Variants in SHANK2 observed in about 807,000 individuals in gnomAD.
The protein encoded by SHANK2 is SH3 and multiple ankyrin repeat domains 2.
SHANK2 carries 43 observed loss-of-function variants against 133.7 expected under a neutral mutation model. The ratio of observed to expected loss-of-function variants is 0.32; its 90% CI spans 0.25 to 0.41. The LOEUF (loss-of-function observed/expected upper bound fraction) is 0.41, where lower values mean the gene tolerates loss of function less well. Ranked by LOEUF, SHANK2 falls within the 10% of genes least tolerant of loss-of-function variation. SHANK2 has a pLI of 1.00. For synonymous variants in SHANK2, 1,017 were observed against 952.8 expected, an observed-to-expected ratio of 1.07 and a Z score of -1.24; for missense variants, 1,994 against 2,235.8, an observed-to-expected ratio of 0.89 and a Z score of 2.18.
chr11:70,727,761 C>T (rs1946205738), intron 14 of SHANK2, among the ~76,000 whole-genome samples: 1 of 152,142 alleles, frequency 6.6e-6, no homozygotes, highest in African/African-American at 2.4e-5. Context: ...GGTTGGGGGC[C>T]CCAGCCCTAC....
chr11:70,617,468 G>A (rs1051137951), intron 17 of SHANK2, among the ~76,000 whole-genome samples: 1 of 142,752 alleles, frequency 7.0e-6, no homozygotes. Flanking sequence ...GGAACGGAGT[G>A]GGGAGGTGGA....
chr11:70,605,139 C>T (rs2060557784), intron 17 of SHANK2, among the ~76,000 whole-genome samples: 1 of 152,218 alleles, frequency 6.6e-6, no homozygotes, highest in South Asian at 2.1e-4. Flanking sequence ...TGGGATGGCG[C>T]TTTTTAACAG....
intron 11 of SHANK2, among the ~76,000 whole-genome samples, chr11:70,892,192 G>C (rs1290215156): frequency 6.6e-6 from 1 of 152,202 alleles, no homozygotes; most frequent in Non-Finnish European, 1.5e-5. Flanking sequence ...CAGCCGCCAG[G>C]CTCCACCCCA....
At position 71,097,941 on chromosome 11, in the gene SHANK2, C is replaced by G. The variant is rs540220675; in HGVS notation, c.593-3253G>C. 7.5e-5 allele frequency among the ~76,000 whole-genome samples: 11 copies of G among 147,478 alleles called. No individual in the cohort carries two copies. In the South Asian group the frequency reaches 2.2e-3, roughly 29 times the overall value. On this transcript the variant is annotated intron_variant, in intron 6 of 25. Transcript: ENST00000601538. ...ATGTGTGCATGCCTGTTTGTGTGCACGCCTGTGTGTCTGTGCATGCCTGTG... is the reference window on the plus strand; with the variant it reads ...ATGTGTGCATGCCTGTTTGTGTGCAGGCCTGTGTGTCTGTGCATGCCTGTG...
At position 70,737,579 on chromosome 11, in the gene SHANK2, C is replaced by T. The variant is rs551816117; in HGVS notation, c.1778-38816G>A. ...GCATTGAGTCCAAACCCACATGATA[C>T]ACCCCATTTCTCTCCAGGAGACTGT... On this transcript the variant is annotated intron_variant, in intron 14 of 25. Coordinates refer to ENST00000601538, the MANE Select transcript of SHANK2 (RefSeq NM_012309.5). Among the ~76,000 whole-genome samples, 8 of 152,332 alleles carry T rather than the reference C, an allele frequency of 5.3e-5. No homozygotes were observed. In the South Asian group the frequency reaches 1.0e-3, roughly 20 times the overall value.
intron 6 of SHANK2, among the ~76,000 whole-genome samples, chr11:71,104,396 T>C (rs1412315494): frequency 6.6e-6 from 1 of 152,150 alleles, no homozygotes; most frequent in Non-Finnish European, 1.5e-5. Context: ...GCCCAGTGTC[T>C]CCAACAGTGA....
rs1028174784 is a variant in SHANK2, at chr11:70,561,319, A to T, written c.2062-58388T>A. Among the ~76,000 whole-genome samples the T allele has an allele frequency of 4.6e-5, 7 of 151,870 alleles. No homozygotes were observed. In the East Asian group the frequency reaches 5.9e-4, roughly 13 times the overall value. ...CAGGCATGTGCCACCACGCACAGCT[A>T]ATTTTTGTATTTCAGTAGAGACAAG... On this transcript the variant is annotated intron_variant, in intron 17 of 25. Transcript: ENST00000601538.
At position 70,586,822 on chromosome 11, in the gene SHANK2, A is replaced by AC. The variant is rs562066302; in HGVS notation, c.2061+73005dup. ...GAACGGGGAAGGACACCAGTACCTC[A>AC]CCCCCCCAGAGTGGGCAGAGCCTAG... is the stretch of plus-strand genomic sequence containing the variant. On this transcript the variant is annotated intron_variant, in intron 17 of 25. Transcript: ENST00000601538. Among the ~76,000 whole-genome samples, 22 of 152,084 alleles carry AC rather than the reference A, an allele frequency of 1.4e-4. No homozygotes were observed. In the South Asian group the frequency reaches 2.5e-3, roughly 17 times the overall value.
chr11:71,190,391 C>T (rs782015232), intron 2 of SHANK2, among the ~76,000 whole-genome samples: 69 of 152,278 alleles, frequency 4.5e-4, no homozygotes, highest in Admixed American at 1.3e-3. Flanking sequence ...AAGGGGACAG[C>T]GTGAGGCTCC....
chr11:71,246,745 G>A (rs1954966539), intron 1 of SHANK2, among the ~76,000 whole-genome samples: 1 of 152,136 alleles, frequency 6.6e-6, no homozygotes, highest in South Asian at 2.1e-4. Context: ...GGAAGCTGGT[G>A]AGGGGGTGGT....
chr11:71,245,055 A>C (rs1219043408), intron 1 of SHANK2, among the ~76,000 whole-genome samples: 1 of 151,780 alleles, frequency 6.6e-6, no homozygotes, highest in Non-Finnish European at 1.5e-5. Flanking sequence ...ATCACGGCTC[A>C]CTGCAACATC....
At chr11:70,730,826 CTTT>C (rs34081906) in intron 14 of SHANK2, among the ~76,000 whole-genome samples, 11,679 of 127,498 alleles carry the variant, frequency 0.092, 311 homozygotes, top group South Asian at 0.2. Flanking sequence ...TTTTTTATTT[CTTT>C]TTTTTTTTTT....
chr11:70,646,308 C>A (rs2061260286), intron 17 of SHANK2: 1 of 152,258 alleles, frequency 6.6e-6, no homozygotes, highest in African/African-American at 2.4e-5. Flanking sequence ...GGTAAGGAAG[C>A]TTGTGTCCCA....
At chr11:70,675,825 G>A (rs1187878122) in intron 15 of SHANK2, among the ~76,000 whole-genome samples, 1 of 152,144 alleles carries the variant, frequency 6.6e-6, no homozygotes, top group African/African-American at 2.4e-5. Flanking sequence ...GGGTGAGCAA[G>A]GCCAAAGGCA....
At chr11:71,135,858 A>G (rs543393295) in intron 3 of SHANK2, among the ~76,000 whole-genome samples, 19 of 152,228 alleles carry the variant, frequency 1.2e-4, no homozygotes, top group African/African-American at 3.9e-4. Flanking sequence ...CCAAGGCCTC[A>G]CCTAGAGAAC....
At chr11:71,099,712 C>T (rs150947099) in intron 6 of SHANK2, among the ~76,000 whole-genome samples, 40 of 152,242 alleles carry the variant, frequency 2.6e-4, no homozygotes, top group African/African-American at 8.7e-4. Context: ...CCAACACACA[C>T]GAGAAGATGC....
intron 14 of SHANK2, among the ~76,000 whole-genome samples, chr11:70,723,850 C>T (rs1192389462): frequency 1.3e-5 from 2 of 152,080 alleles, no homozygotes; most frequent in African/African-American, 2.4e-5. Flanking sequence ...AGCAGGTGTC[C>T]TCAAATAGTA....
In SHANK2 at chr11:70,807,056, A is replaced by G. The variant is rs370128439; in HGVS notation, c.1609T>C (p.Tyr537His). ...ATCTCGCCGTCCACTTGGGGTTGGT[A>G]TGGCTTGACAGCGACGAAGAGCCTC... Reference protein sequence around the residue: ...PGRLFVAVKPYQPQVDGEIPL... With the variant: ...PGRLFVAVKPHQPQVDGEIPL... The change falls in exon 13 of 26, where the codon TAC becomes CAC. Residue 537 changes from tyrosine to histidine, a missense_variant. By Grantham distance (83) the Tyr-to-His change is moderately conservative (BLOSUM62 2). This residue lies in a region of SHANK2 where 653 missense variants were observed against 563.4 expected (regional missense o/e 1.16). Coordinates refer to ENST00000601538, the MANE Select transcript of SHANK2 (RefSeq NM_012309.5). This position sits in a 1 kb window ranked among gnomAD's most constrained non-coding sequence, Gnocchi z 4.8. 25 of 717,818 alleles carry G rather than the reference A, an allele frequency of 3.5e-5. No homozygotes were observed. The highest frequency in any genetic ancestry group is 5.7e-5 in the Non-Finnish European group (22 of 384,978). 44.5% of individuals were successfully genotyped at this position (717,818 alleles called of 1,614,324 possible). A position where few individuals can be genotyped will look rare whatever the true frequency, so the allele number is the denominator to read the frequency against.
chr11:71,240,447 A>G (rs1555124251), intron 1 of SHANK2, among the ~76,000 whole-genome samples: 2 of 152,160 alleles, frequency 1.3e-5, no homozygotes, highest in African/African-American at 4.8e-5. Context: ...GAAGCACATC[A>G]GCAGGAAGGG....
Sources: gnomAD v4.1 joint callset for allele counts (sites outside exome capture counted in the v4.1 genomes callset) on GRCh38, gnomAD v4.1.1 for gene constraint, gnomAD v4.1.1 regional missense constraint, Gnocchi (gnomAD v3.1) non-coding constraint, MANE v1.5 for transcripts, NCBI Gene and HGNC (gene_info 2026-07-23, HGNC 2026-07-21) for gene names.